Variants in TDRD15 observed in about 807,000 individuals in gnomAD.
TDRD15 encodes tudor domain containing 15.
For synonymous variants in TDRD15, 503 were observed against 314.5 expected (o/e 1.60, Z -6.34); for missense variants, 1,416 against 904.7 (o/e 1.57, Z -7.25).
At chr2:21,131,758 G>A (rs994707545) in intron 2 of TDRD15, among the ~76,000 whole-genome samples, 6 of 152,058 alleles carry the variant, frequency 3.9e-5, no homozygotes, top group African/African-American at 1.2e-4. Context: ...TTTTTAGTGG[G>A]TTTAGTATTT....
At chr2:21,136,253 G>A (rs188145054) in intron 3 of TDRD15, among the ~76,000 whole-genome samples, 1 of 152,024 alleles carries the variant, frequency 6.6e-6, no homozygotes, top group Non-Finnish European at 1.5e-5. Context: ...AGACTTTGGT[G>A]AGACTTTATA....
At chr2:21,128,079 T>A in intron 2 of TDRD15, among the ~76,000 whole-genome samples, 1 of 152,196 alleles carries the variant, frequency 6.6e-6, no homozygotes. Context: ...TAAGTTTACA[T>A]GACAAAAATA....
In TDRD15 at chr2:21,140,491, A is replaced by G; in HGVS notation, c.3024A>G (p.Pro1008=). 1.4e-6 allele frequency: 1 copy of G among 695,664 alleles called. No individual in the cohort carries two copies. Among genetic ancestry groups the G allele is most frequent in the Non-Finnish European group, 2.6e-6 (1 of 378,084 alleles). 43.1% of individuals were successfully genotyped at this position (695,664 alleles called of 1,614,324 possible). A position where few individuals can be genotyped will look rare whatever the true frequency, so the allele number is the denominator to read the frequency against. ...AGAGTGTTAACCTCCAAAATTTTCC[A>G]AAATATGATTCTAATAAAATGAGAG... is the stretch of plus-strand genomic sequence containing the variant. The part of the protein sequence containing the change: ...ITESVNLQNF[P]KYDSNKMRVC... The change falls in exon 4 of 4, where the codon CCA becomes CCG. Residue 1008 remains proline, a synonymous_variant. Coordinates refer to ENST00000405799, the MANE Select transcript of TDRD15 (RefSeq NM_001306137.2).
downstream of TDRD15, among the ~76,000 whole-genome samples, chr2:21,145,449 C>CT (rs1245398914): frequency 6.6e-6 from 1 of 151,868 alleles, no homozygotes; most frequent in Non-Finnish European, 1.5e-5. Flanking sequence ...CCATCAAATT[C>CT]TTTAAGAACC....
At chr2:21,130,415 G>A (rs1665693485) in intron 2 of TDRD15, among the ~76,000 whole-genome samples, 1 of 152,140 alleles carries the variant, frequency 6.6e-6, no homozygotes, top group Admixed American at 6.5e-5. Context: ...TTACAGTAGT[G>A]CGGAAGCAAT....
chr2:21,136,051 C>A (rs1416169315), intron 3 of TDRD15, among the ~76,000 whole-genome samples: 1 of 151,936 alleles, frequency 6.6e-6, no homozygotes, highest in Non-Finnish European at 1.5e-5. Flanking sequence ...TAAATTTTTT[C>A]TTTCCCATAT....
At chr2:21,134,713 G>A (rs1250310265) in intron 2 of TDRD15, 49 bp from the exon 3 acceptor site, 1 of 151,800 alleles carries the variant, frequency 6.6e-6, no homozygotes, top group African/African-American at 2.4e-5. Flanking sequence ...TTCTGCTGCA[G>A]AAAAATAGTT....
chr2:21,127,541 T>TTTGTCGAA, intron 1 of TDRD15, 60 bp from the exon 2 acceptor site: 1 of 152,342 alleles, frequency 6.6e-6, no homozygotes, highest in South Asian at 2.1e-4. Context: ...TACAGCATCA[T>TTTGTCGAA]TTGTCGAATT....
chr2:21,137,371 T>A, intron 3 of TDRD15, 94 bp from the exon 4 acceptor site: 1 of 516,086 alleles, frequency 1.9e-6, no homozygotes, highest in Non-Finnish European at 3.5e-6. Context: ...AATACAGGCA[T>A]ATAATTATTT....
Position 21,139,385 on chromosome 2 carries a change from A to G in TDRD15, c.1918A>G (p.Asn640Asp), listed in dbSNP as rs1219856583. The G allele has an allele frequency of 1.5e-5, 11 of 710,764 alleles. No individual in the cohort carries two copies. The African/African-American group carries it at 1.9e-4, about 13-fold the overall frequency. 44.0% of individuals were successfully genotyped at this position (710,764 alleles called of 1,614,324 possible). A position where few individuals can be genotyped will look rare whatever the true frequency, so the allele number is the denominator to read the frequency against. ...IAKKDDKYTV[N>D]IQSVEASENI... is the part of the protein sequence containing the mutation. ...AAAAAAAGATGACAAGTACACTGTA[A>G]ATATTCAAAGTGTTGAAGCCTCAGA... The change falls in exon 4 of 4, where the codon AAT becomes GAT. Residue 640 changes from asparagine to aspartate, a missense_variant. Asn to Asp is a conservative substitution (Grantham distance 23). Transcript: ENST00000405799.
chr2:21,138,369 G>A lies in TDRD15; in HGVS notation c.902G>A (p.Arg301Gln), dbSNP rs1339817232. The A allele has an allele frequency of 1.3e-5, 9 of 716,406 alleles. No individual in the cohort carries two copies. The highest frequency in any genetic ancestry group is 2.3e-4 in the Middle Eastern group (1 of 4,384). The allele number at this position is 716,406 out of a possible 1,614,324, so 44.4% of individuals were successfully genotyped here. A position where few individuals can be genotyped will look rare whatever the true frequency, so the allele number is the denominator to read the frequency against. Residue 301 changes from arginine (R) to glutamine (Q), a missense_variant, in exon 4 of 4, where the codon CGA (arginine) becomes CAA (glutamine). Arg to Gln is a conservative substitution (Grantham distance 43, BLOSUM62 1). Coordinates refer to ENST00000405799, the MANE Select transcript of TDRD15 (RefSeq NM_001306137.2). ...NFGLLCVARR[R>Q]NGQWHRGILQ... ...GGACTGCTTTGTGTTGCCAGAAGGC[G>A]AAATGGACAGTGGCATAGAGGAATT...
chr2:21,136,239 A>G (rs1665804658), intron 3 of TDRD15, among the ~76,000 whole-genome samples: 1 of 152,024 alleles, frequency 6.6e-6, no homozygotes, highest in African/African-American at 2.4e-5. Context: ...TAATGAAAAC[A>G]TTTAGACTTT....
At chr2:21,128,848 A>C (rs1159086206) in intron 2 of TDRD15, among the ~76,000 whole-genome samples, 2 of 151,124 alleles carry the variant, frequency 1.3e-5, no homozygotes, top group East Asian at 3.9e-4. Flanking sequence ...CCATTTATAG[A>C]GAAATTCGAA....
At position 21,140,815 on chromosome 2, in the gene TDRD15, AGAT is replaced by A. The variant is rs1558300637; in HGVS notation, c.3350_3352del (p.Asp1117del). 1.4e-6 allele frequency: 1 copy of A among 715,390 alleles called. No homozygotes were observed. The highest frequency in any genetic ancestry group is 2.7e-5 in the East Asian group (1 of 37,252). The allele number at this position is 715,390 out of a possible 1,614,324, so 44.3% of individuals were successfully genotyped here. ...AGGCGATAATATTGTCCCAGGAGTC[AGAT>A]GGACAGCTTGGTATAGAATTGTATG... On this transcript the variant is annotated inframe_deletion, in exon 4 of 4. Coordinates refer to ENST00000405799, the MANE Select transcript of TDRD15 (RefSeq NM_001306137.2).
In TDRD15 at chr2:21,137,503, T is replaced by C; in HGVS notation, c.36T>C (p.Asp12=). ...CATCTTTCTTACCAACATTTTTAGATGTGGATCTGACAATATCACATATTA... is the reference window on the plus strand; with the variant it reads ...CATCTTTCTTACCAACATTTTTAGACGTGGATCTGACAATATCACATATTA... ...DSTSFLPTFL[D]VDLTISHIKC... is the part of the protein sequence containing the mutation. Residue 12 remains aspartate, a synonymous_variant, in exon 4 of 4, where the codon GAT becomes GAC. Coordinates refer to ENST00000405799, the MANE Select transcript of TDRD15 (RefSeq NM_001306137.2). The C allele has an allele frequency of 1.5e-6, 1 of 667,400 alleles. No homozygotes were observed. The highest frequency in any genetic ancestry group is 2.7e-6 in the Non-Finnish European group (1 of 366,078). The allele number at this position is 667,400 out of a possible 1,614,324, so 41.3% of individuals were successfully genotyped here. A position where few individuals can be genotyped will look rare whatever the true frequency, so the allele number is the denominator to read the frequency against.
In TDRD15 at chr2:21,141,220, G is replaced by T. The variant is rs944082787; in HGVS notation, c.3753G>T (p.Val1251=). The change falls in exon 4 of 4, where the codon GTG becomes GTT. Residue 1251 remains valine, a synonymous_variant. Coordinates refer to ENST00000405799, the MANE Select transcript of TDRD15 (RefSeq NM_001306137.2). ...CACATATTCTTGAGAACAGGCGTGT[G>T]GGCCAAAAATCAGTAAAGGTTGTAT... ...GAAHILENRR[V]GQKSVKVVSQ... 4.8e-5 allele frequency: 34 copies of T among 713,512 alleles called. No individual in the cohort carries two copies. Among genetic ancestry groups the T allele is most frequent in the African/African-American group, 3.3e-4 (19 of 56,918 alleles). 44.2% of individuals were successfully genotyped at this position (713,512 alleles called of 1,614,324 possible). A position where few individuals can be genotyped will look rare whatever the true frequency, so the allele number is the denominator to read the frequency against.
Position 21,142,807 on chromosome 2 carries a change from C to A in TDRD15, c.5340C>A (p.Phe1780Leu). 1 of 715,012 alleles carries A rather than the reference C, an allele frequency of 1.4e-6. No homozygotes were observed. Among genetic ancestry groups the A allele is most frequent in the South Asian group, 1.5e-5 (1 of 67,436 alleles). 44.3% of individuals were successfully genotyped at this position (715,012 alleles called of 1,614,324 possible). A position where few individuals can be genotyped will look rare whatever the true frequency, so the allele number is the denominator to read the frequency against. The change falls in exon 4 of 4, where the codon TTC becomes TTA. Residue 1780 changes from phenylalanine to leucine, a missense_variant. Coordinates refer to ENST00000405799, the MANE Select transcript of TDRD15 (RefSeq NM_001306137.2). Reference sequence around the variant, plus strand: ...CCTTACAAACATTGCCTCAGGAGTTCATAATTCCCGGTTCTAGTTGTTTGT... The same window carrying A: ...CCTTACAAACATTGCCTCAGGAGTTAATAATTCCCGGTTCTAGTTGTTTGT... The part of the protein sequence containing the change: ...PETLQTLPQE[F>L]IIPGSSCLFK...
At chr2:21,131,303 A>G (rs1665713486) in intron 2 of TDRD15, among the ~76,000 whole-genome samples, 1 of 152,256 alleles carries the variant, frequency 6.6e-6, no homozygotes, top group South Asian at 2.1e-4. Flanking sequence ...CATCTAACCA[A>G]TATTTTCAAA....
At chr2:21,128,102 A>AT (rs1665634373) in intron 2 of TDRD15, among the ~76,000 whole-genome samples, 1 of 152,298 alleles carries the variant, frequency 6.6e-6, no homozygotes, top group East Asian at 1.9e-4. Context: ...ATAAGAATTT[A>AT]TTCTCTTACC....
Sources: gnomAD v4.1 joint callset for allele counts (sites outside exome capture counted in the v4.1 genomes callset) on GRCh38, gnomAD v4.1.1 for gene constraint, MANE v1.5 for transcripts, NCBI Gene and HGNC (gene_info 2026-07-23, HGNC 2026-07-21) for gene names.